SNX6: variants seen among roughly 807,000 people sequenced by gnomAD.
SNX6 encodes the protein sorting nexin-6.
Under a neutral mutation model 63.0 loss-of-function variants are expected in SNX6, and 34 were observed. That is an observed-to-expected ratio of 0.54 (90% CI 0.41 to 0.72). The LOEUF is 0.72. SNX6 is among the 30% of genes least tolerant of loss of function. The probability of loss-of-function intolerance (pLI) is 0.00; values close to 1 mark genes in which losing one functional copy is unlikely to be tolerated. For missense variants in SNX6, 398 were observed against 471.4 expected (o/e 0.84, Z 1.44); for synonymous variants, 170 against 164.2 (o/e 1.04, Z -0.27).
chr14:34,603,297 G>A (rs1410990990), intron 6 of SNX6, 51 bp downstream of exon 6: 39 of 1,345,266 alleles, frequency 2.9e-5, no homozygotes, highest in South Asian at 1.8e-4. Context: ...AAAAAAAAAA[G>A]AAGAAGAAGA....
In SNX6 at chr14:34,579,432, T is replaced by C. The variant is rs555065102; in HGVS notation, c.834+2129A>G. Among the ~76,000 whole-genome samples, 25 of 151,220 alleles carry C rather than the reference T, an allele frequency of 1.7e-4. 1 individual carries two copies. The highest frequency in any genetic ancestry group is 1.5e-3 in the Admixed American group (23 of 15,136). On this transcript the variant is annotated intron_variant, in intron 10 of 13. Coordinates refer to ENST00000362031, the MANE Select transcript of SNX6 (RefSeq NM_152233.4). ...AGGAGTTCAAGACCAGCCTGAGCAA[T>C]GTAGTGAGACTCCCTCTCTACAAAA...
intron 4 of SNX6, 97 bp downstream of exon 4, chr14:34,607,933 A>G (rs1161249661): frequency 1.7e-6 from 1 of 605,382 alleles, no homozygotes; most frequent in African/African-American, 1.9e-5. Flanking sequence ...CAAAACAAAA[A>G]AACAGTTCAC....
intron 8 of SNX6, among the ~76,000 whole-genome samples, chr14:34,590,915 CACA>C (rs1489517140): frequency 6.6e-6 from 1 of 152,120 alleles, no homozygotes; most frequent in East Asian, 1.9e-4. Context: ...TATCGATATA[CACA>C]ACAACTTGGA....
At chr14:34,629,580 A>G in intron 2 of SNX6, 1 of 609,992 alleles carries the variant, frequency 1.6e-6, no homozygotes, top group Non-Finnish European at 3.1e-6. Flanking sequence ...CAAAGTGTCG[A>G]GGGAGGGTGG....
Position 34,605,694 on chromosome 14 carries a change from A to G in SNX6, c.294T>C (p.Pro98=). 16 of 1,608,440 alleles carry G rather than the reference A, an allele frequency of 9.9e-6. No individual in the cohort carries two copies. Among genetic ancestry groups the G allele is most frequent in the Non-Finnish European group, 1.3e-5 (15 of 1,178,292 alleles). ...GYIIPPAPPR[P]DFDASREKLQ... is the part of the protein sequence containing the mutation. ...GTTTTTCCCTTGAAGCATCAAAATCAGGTCTTGGTGGTGCTGGTGGAATCT... is the reference window on the plus strand; with the variant it reads ...GTTTTTCCCTTGAAGCATCAAAATCGGGTCTTGGTGGTGCTGGTGGAATCT... Residue 98 remains proline, a synonymous_variant, in exon 5 of 14, where the codon CCT becomes CCC. Transcript: ENST00000362031.
chr14:34,625,087 C>T (rs61979724), intron 2 of SNX6, among the ~76,000 whole-genome samples: 95,994 of 151,404 alleles, frequency 0.63, 30,843 homozygotes, highest in East Asian at 0.91. Context: ...AGCTAATTTT[C>T]TGTATTTTTA....
At chr14:34,603,210 G>A (rs1237196977) in intron 6 of SNX6, 138 bp downstream of exon 6, 17 of 703,976 alleles carry the variant, frequency 2.4e-5, no homozygotes, top group Admixed American at 8.2e-5. Flanking sequence ...CCCGGGAGGC[G>A]GAGCTTGCAG....
At chr14:34,575,929 T>C (rs927172345) in intron 10 of SNX6, 87 bp from the exon 11 acceptor site, 11 of 761,492 alleles carry the variant, frequency 1.4e-5, no homozygotes, top group Non-Finnish European at 2.0e-5. Flanking sequence ...GTTGTTTTTT[T>C]GTTTTTTTTT....
At chr14:34,609,480 C>CA (rs398024759) in intron 3 of SNX6, among the ~76,000 whole-genome samples, 158 bp downstream of exon 3, 801 of 64,620 alleles carry the variant, frequency 0.012, 49 homozygotes, top group African/African-American at 0.039. Context: ...GACTCCGTCT[C>CA]AAAAAAAAAA....
At chr14:34,570,403 G>A (rs1450134965) in intron 11 of SNX6, among the ~76,000 whole-genome samples, 1 of 148,746 alleles carries the variant, frequency 6.7e-6, no homozygotes, top group African/African-American at 2.5e-5. Context: ...AGGCCACCTT[G>A]TGGGTATAAA....
At chr14:34,580,143 C>T (rs1223421011) in intron 10 of SNX6, among the ~76,000 whole-genome samples, 2 of 152,200 alleles carry the variant, frequency 1.3e-5, no homozygotes. Flanking sequence ...CGTGCCACTG[C>T]ACTCCAGCCT....
chr14:34,576,224 C>G (rs1186957609), intron 10 of SNX6, among the ~76,000 whole-genome samples: 1 of 151,914 alleles, frequency 6.6e-6, no homozygotes. Flanking sequence ...CGCGCCCGGC[C>G]TCGTTTCCTT....
rs775595628 is a variant in SNX6 at position 34,568,028 on chromosome 14, G to C, written c.922-15C>G. ...TACAGGAGATCCTATAAAACAGAAT[G>C]CTTCACAATAGTATATATACTGCAT... On this transcript the variant is annotated splice_polypyrimidine_tract_variant and intron_variant, in intron 11 of 13. Coordinates refer to ENST00000362031, the MANE Select transcript of SNX6 (RefSeq NM_152233.4). 6.2e-7 allele frequency: 1 copy of C among 1,607,050 alleles called. No individual in the cohort carries two copies. The highest frequency in any genetic ancestry group is 8.5e-7 in the Non-Finnish European group (1 of 1,177,818).
At chr14:34,619,455 G>T (rs989030847) in intron 2 of SNX6, among the ~76,000 whole-genome samples, 1 of 151,926 alleles carries the variant, frequency 6.6e-6, no homozygotes, top group Non-Finnish European at 1.5e-5. Flanking sequence ...TAGAGAGAGA[G>T]AGAGAGAGAG....
At chr14:34,578,951 A>AAAAAAAAAAAAAAAAAAAAAAAAAAG (rs1881826697) in intron 10 of SNX6, among the ~76,000 whole-genome samples, 1 of 147,438 alleles carries the variant, frequency 6.8e-6, no homozygotes, top group Non-Finnish European at 1.5e-5. Context: ...AAAAAAAAAA[A>AAAAAAAAAAAAAAAAAAAAAAAAAAG]AAAAAAAAAA....
chr14:34,575,853 G>T lies in SNX6; in HGVS notation c.835-11C>A. On this transcript the variant is annotated splice_polypyrimidine_tract_variant and intron_variant, in intron 10 of 13. Coordinates refer to ENST00000362031, the MANE Select transcript of SNX6 (RefSeq NM_152233.4). ...TCGTGCTTCTATTTTCTGAAAAGAA[G>T]GAAAAAATTGAATATTTAATCAACA... The T allele has an allele frequency of 6.7e-7, 1 of 1,491,830 alleles. No homozygotes were observed. Among genetic ancestry groups the T allele is most frequent in the Non-Finnish European group, 9.2e-7 (1 of 1,091,722 alleles). The allele number at this position is 1,491,830 out of a possible 1,614,324, so 92.4% of individuals were successfully genotyped here. A position where few individuals can be genotyped will look rare whatever the true frequency, so the allele number is the denominator to read the frequency against.
chr14:34,623,603 C>T (rs1883709172), intron 2 of SNX6, among the ~76,000 whole-genome samples: 1 of 152,084 alleles, frequency 6.6e-6, no homozygotes, highest in East Asian at 1.9e-4. Context: ...AAGCAAGGAG[C>T]TTAAATGGAA....
chr14:34,622,109 C>A (rs1223145132), intron 2 of SNX6, among the ~76,000 whole-genome samples: 1 of 151,450 alleles, frequency 6.6e-6, no homozygotes, highest in Non-Finnish European at 1.5e-5. Flanking sequence ...CAGGCACCTA[C>A]CGTCACACCT....
intron 6 of SNX6, 56 bp downstream of exon 6, chr14:34,603,292 A>T: frequency 6.5e-7 from 1 of 1,540,486 alleles, no homozygotes. Context: ...TCTCAAAAAA[A>T]AAAAGAAGAA....
Sources: allele counts gnomAD v4.1 joint callset (sites outside exome capture counted in the v4.1 genomes callset), GRCh38; gene constraint gnomAD v4.1.1; transcripts MANE v1.5; gene names NCBI Gene and HGNC (gene_info 2026-07-23, HGNC 2026-07-21).